OR3A2: variants seen among roughly 807,000 people sequenced by gnomAD.
OR3A2 encodes olfactory receptor family 3 subfamily A member 2.
For missense variants in OR3A2, 318 were observed against 392.8 expected, an observed-to-expected ratio of 0.81 and a Z score of 1.61; for synonymous variants, 126 against 159.3, an observed-to-expected ratio of 0.79 and a Z score of 1.57.
chr17:3,380,446 G>A (rs1826468610), intron 2 of OR3A2, among the ~76,000 whole-genome samples: 1 of 152,128 alleles, frequency 6.6e-6, no homozygotes, highest in Non-Finnish European at 1.5e-5. Context: ...GTGTTGGGTG[G>A]AATGATATCT....
chr17:3,359,745 T>C (rs370261454), intron 2 of OR3A2, among the ~76,000 whole-genome samples: 1 of 151,726 alleles, frequency 6.6e-6, no homozygotes, highest in Admixed American at 6.6e-5. Context: ...ACAAAGGACA[T>C]GAACTCATCC....
chr17:3,385,194 C>CA (rs1382335889), intron 1 of OR3A2, among the ~76,000 whole-genome samples: 8 of 152,052 alleles, frequency 5.3e-5, no homozygotes, highest in Non-Finnish European at 1.2e-4. Flanking sequence ...AACTCCGTCT[C>CA]AAAATAAATA....
intron 1 of OR3A2, among the ~76,000 whole-genome samples, chr17:3,283,727 C>G (rs897887500): frequency 9.2e-5 from 14 of 152,066 alleles, no homozygotes; most frequent in African/African-American, 2.4e-4. Flanking sequence ...GGTCATGGAC[C>G]AGTCCACATC....
chr17:3,343,137 T>C (rs1378101117), intron 2 of OR3A2, among the ~76,000 whole-genome samples: 1 of 152,150 alleles, frequency 6.6e-6, no homozygotes, highest in African/African-American at 2.4e-5. Context: ...GGTTGCAGTG[T>C]CCCGATTTTC....
chr17:3,294,093 C>T (rs1160242488), intron 3 of OR3A2, among the ~76,000 whole-genome samples: 1 of 151,742 alleles, frequency 6.6e-6, no homozygotes, highest in Non-Finnish European at 1.5e-5. Context: ...ATGTCCTGCA[C>T]ATGTACCCCA....
rs76277671 is a variant in OR3A2 at position 3,344,590 on chromosome 17, G to C, written c.-178-8464C>G. 3.1e-3 allele frequency among the ~76,000 whole-genome samples: 474 copies of C among 152,228 alleles called. 14 individuals carry two copies. In the East Asian group the frequency reaches 0.067, roughly 22 times the overall value. On this transcript the variant is annotated intron_variant, in intron 2 of 4. Coordinates refer to the OR3A2 transcript ENST00000573491. ...CTGACCACTTCCCTTAATAAAGTTT[G>C]TAGGCACTACTGCCACTTATAGTCA...
At chr17:3,323,877 T>C (rs1013006360) in intron 3 of OR3A2, among the ~76,000 whole-genome samples, 2 of 152,070 alleles carry the variant, frequency 1.3e-5, no homozygotes, top group African/African-American at 2.4e-5. Context: ...TGGTGTTCTC[T>C]GTATTTCCTG....
intron 2 of OR3A2, among the ~76,000 whole-genome samples, chr17:3,370,716 T>G (rs1233551140): frequency 4.6e-5 from 7 of 151,310 alleles, no homozygotes; most frequent in African/African-American, 1.7e-4. Flanking sequence ...GGAGGGAAGG[T>G]CAGCAGATAA....
intron 2 of OR3A2, among the ~76,000 whole-genome samples, chr17:3,369,820 T>TTTTTTTG (rs2049597413): frequency 6.6e-6 from 1 of 151,574 alleles, no homozygotes. Context: ...TTTTTTTTTT[T>TTTTTTTG]TGAGGCAAGC....
chr17:3,310,894 T>C (rs1342239694), intron 3 of OR3A2: 9 of 786,084 alleles, frequency 1.1e-5, no homozygotes, highest in Non-Finnish European at 1.6e-5. Flanking sequence ...TGCTCCAGTG[T>C]TCATCTCAAT....
intron 3 of OR3A2, among the ~76,000 whole-genome samples, chr17:3,332,664 C>T (rs576804554): frequency 4.1e-4 from 62 of 152,358 alleles, no homozygotes; most frequent in Admixed American, 1.0e-3. Flanking sequence ...CCGTCTTCTG[C>T]GTCGCTCACG....
At chr17:3,290,727 C>G (rs937752362) in intron 3 of OR3A2, among the ~76,000 whole-genome samples, 1 of 152,168 alleles carries the variant, frequency 6.6e-6, no homozygotes, top group African/African-American at 2.4e-5. Flanking sequence ...GCCACACTCC[C>G]CTACTGAGAA....
At chr17:3,287,863 C>G (rs2048828104), upstream of OR3A2, among the ~76,000 whole-genome samples, 1 of 151,196 alleles carries the variant, frequency 6.6e-6, no homozygotes, top group Non-Finnish European at 1.5e-5. Flanking sequence ...TGTAATCGAG[C>G]TTATATTAAA....
At chr17:3,324,967 T>G (rs1465345526) in intron 3 of OR3A2, among the ~76,000 whole-genome samples, 1 of 152,136 alleles carries the variant, frequency 6.6e-6, no homozygotes, top group African/African-American at 2.4e-5. Flanking sequence ...TACAGACTTT[T>G]ACACAGTCAA....
At chr17:3,290,097 C>T (rs533357555) in intron 3 of OR3A2, among the ~76,000 whole-genome samples, 1 of 152,154 alleles carries the variant, frequency 6.6e-6, no homozygotes, top group African/African-American at 2.4e-5. Context: ...AAAACGAGTC[C>T]TTGGTGTACT....
At chr17:3,322,336 T>C (rs1006412166) in intron 3 of OR3A2, among the ~76,000 whole-genome samples, 1 of 152,152 alleles carries the variant, frequency 6.6e-6, no homozygotes, top group African/African-American at 2.4e-5. Context: ...CTGGATTCAT[T>C]AATTTTTTGA....
Position 3,311,672 on chromosome 17 carries a change from TA to T in OR3A2, c.-85+24360del. On this transcript the variant is annotated intron_variant, in intron 3 of 4. Coordinates refer to the OR3A2 transcript ENST00000573491. The surrounding 1 kb of genome is among the most constrained non-coding windows in gnomAD (Gnocchi z 4.6). ...TATGCCCACGTCACAGCTGCAATATTACAAATCCGCTCAGCTGAGGGGAGGA... is the reference window on the plus strand; with the variant it reads ...TATGCCCACGTCACAGCTGCAATATTCAAATCCGCTCAGCTGAGGGGAGGA... 3.5e-6 allele frequency: 1 copy of T among 284,482 alleles called. No homozygotes were observed. The highest frequency in any genetic ancestry group is 4.3e-5 in the Admixed American group (1 of 23,038). The allele number at this position is 284,482 out of a possible 1,614,324, so 17.6% of individuals were successfully genotyped here. A position where few individuals can be genotyped will look rare whatever the true frequency, so the allele number is the denominator to read the frequency against.
intron 3 of OR3A2, among the ~76,000 whole-genome samples, chr17:3,317,975 G>C (rs1037427531): frequency 6.7e-6 from 1 of 150,156 alleles, no homozygotes; most frequent in African/African-American, 2.5e-5. Flanking sequence ...TAATCTCTTG[G>C]GATCCACACC....
intron 3 of OR3A2, among the ~76,000 whole-genome samples, chr17:3,298,964 T>C (rs930669827): frequency 6.6e-6 from 1 of 152,186 alleles, no homozygotes; most frequent in Non-Finnish European, 1.5e-5. Context: ...CCCAAGCTTT[T>C]AATGAACCCA....
Sources: gnomAD v4.1 joint callset for allele counts (sites outside exome capture counted in the v4.1 genomes callset) on GRCh38, gnomAD v4.1.1 for gene constraint, Gnocchi (gnomAD v3.1) non-coding constraint, MANE v1.5 for transcripts, NCBI Gene and HGNC (gene_info 2026-07-23, HGNC 2026-07-21) for gene names.